ADGRA3: variants seen among roughly 807,000 people sequenced by gnomAD.
ADGRA3 encodes G-protein coupled receptor 125.
ADGRA3 carries 56 observed loss-of-function variants against 119.8 expected under a neutral mutation model. The observed-to-expected ratio is 0.47, with a 90% CI of 0.38 to 0.58. ADGRA3 has a LOEUF of 0.58. Among genes scored for constraint, ADGRA3 ranks in the 20% least tolerant of loss-of-function variants. The pLI, the probability that ADGRA3 is intolerant of heterozygous loss-of-function variation, is 0.00. For synonymous variants in ADGRA3, 607 were observed against 623.8 expected (o/e 0.97, Z 0.40); for missense variants, 1,516 against 1,649.0 (o/e 0.92, Z 1.40).
At chr4:22,414,341 T>G in intron 12 of ADGRA3, 1 of 348,330 alleles carries the variant, frequency 2.9e-6, no homozygotes, top group East Asian at 4.8e-5. Context: ...GAAATTTCCT[T>G]GAGACTAGGA....
chr4:22,424,601 C>T (rs1715857408), intron 10 of ADGRA3, among the ~76,000 whole-genome samples: 1 of 152,152 alleles, frequency 6.6e-6, no homozygotes, highest in African/African-American at 2.4e-5. Flanking sequence ...GGTGAAAAGA[C>T]TGCCAGGTGT....
At chr4:22,419,245 G>A (rs1024534786) in intron 12 of ADGRA3, among the ~76,000 whole-genome samples, 11 of 12,526 alleles carry the variant, frequency 8.8e-4, no homozygotes, top group South Asian at 6.5e-3. Flanking sequence ...TATATTCAAG[G>A]GATTAAAAAA....
intron 17 of ADGRA3, among the ~76,000 whole-genome samples, chr4:22,390,652 C>T (rs1000552440): frequency 1.3e-5 from 2 of 151,646 alleles, no homozygotes; most frequent in Admixed American, 1.3e-4. Flanking sequence ...AATCTCGTGT[C>T]CCACCCTCCA....
chr4:22,459,266 G>A (rs1717357072), intron 3 of ADGRA3, among the ~76,000 whole-genome samples: 1 of 152,114 alleles, frequency 6.6e-6, no homozygotes, highest in Non-Finnish European at 1.5e-5. Flanking sequence ...GGAGGTAAAT[G>A]ATGAGAACAC....
At chr4:22,465,563 G>T (rs972968380) in intron 2 of ADGRA3, among the ~76,000 whole-genome samples, 16 of 152,138 alleles carry the variant, frequency 1.1e-4, no homozygotes, top group African/African-American at 3.9e-4. Context: ...TCTAACTCTG[G>T]GCTGTTTGGA....
intron 2 of ADGRA3, among the ~76,000 whole-genome samples, chr4:22,472,558 A>AACAC (rs370046372): frequency 6.6e-6 from 1 of 151,728 alleles, no homozygotes; most frequent in East Asian, 1.9e-4. Flanking sequence ...TATACACACA[A>AACAC]ACACACACAC....
chr4:22,461,102 G>C (rs935126150), intron 3 of ADGRA3, among the ~76,000 whole-genome samples: 11 of 152,130 alleles, frequency 7.2e-5, no homozygotes, highest in Admixed American at 3.9e-4. Flanking sequence ...TTACTTAAAA[G>C]GTACCTCTGT....
intron 14 of ADGRA3, among the ~76,000 whole-genome samples, chr4:22,412,491 G>A (rs1715247011): frequency 2.0e-5 from 3 of 152,028 alleles, no homozygotes; most frequent in African/African-American, 2.4e-5. Context: ...GCTCCTTGGA[G>A]GATTTCAGAT....
intron 14 of ADGRA3, among the ~76,000 whole-genome samples, chr4:22,409,145 A>G (rs1715080982): frequency 6.6e-6 from 1 of 152,184 alleles, no homozygotes; most frequent in Non-Finnish European, 1.5e-5. Flanking sequence ...GCACTCTACT[A>G]CAAATCTTGT....
intron 12 of ADGRA3, 115 bp downstream of exon 12, chr4:22,420,771 A>T: frequency 1.0e-6 from 1 of 965,750 alleles, no homozygotes; most frequent in Non-Finnish European, 1.6e-6. Flanking sequence ...AAGCAATAAT[A>T]CCTATCTTCC....
At chr4:22,515,246 C>A in intron 1 of ADGRA3, 1 of 264,378 alleles carries the variant, frequency 3.8e-6, no homozygotes, top group South Asian at 1.1e-4. Flanking sequence ...TGGCACCGCG[C>A]AGCCCAAAAG....
chr4:22,451,043 T>C (rs1050618534), intron 4 of ADGRA3, among the ~76,000 whole-genome samples: 16 of 150,492 alleles, frequency 1.1e-4, no homozygotes, highest in African/African-American at 3.6e-4. Context: ...TAATTTTTCC[T>C]TCATATGATT....
At chr4:22,464,703 G>T (rs538873864) in intron 2 of ADGRA3, among the ~76,000 whole-genome samples, 2 of 152,304 alleles carry the variant, frequency 1.3e-5, no homozygotes, top group South Asian at 4.1e-4. Flanking sequence ...AAGGTCAGAG[G>T]TAAAGGGCAT....
At chr4:22,461,524 TCCTGA>T (rs1717454245) in intron 3 of ADGRA3, among the ~76,000 whole-genome samples, 1 of 152,160 alleles carries the variant, frequency 6.6e-6, no homozygotes, top group Non-Finnish European at 1.5e-5. Flanking sequence ...GGTCTTGAAT[TCCTGA>T]CCTCAGGTGA....
In ADGRA3 at chr4:22,424,331, T is replaced by A. The variant is rs752027303; in HGVS notation, c.1465A>T (p.Ile489Phe). The change falls in exon 11 of 19, where the codon ATT (isoleucine) becomes TTT (phenylalanine). Residue 489 changes from isoleucine to phenylalanine, a missense_variant. Ile to Phe is a conservative substitution (Grantham distance 21). Around this residue, in one of 2 missense-constraint regions of ADGRA3, gnomAD observed 1,088 missense variants for 1,107.1 expected, o/e 0.98. Coordinates refer to ENST00000334304, the MANE Select transcript of ADGRA3 (RefSeq NM_145290.4). ...SKELGDVMVD[I>F]ASNIMLADER... ...TCAGCCAACATGATGTTACTTGCAA[T>A]GTCAACCATCACGTCACCTAGCTAG... 3.1e-6 allele frequency: 5 copies of A among 1,613,486 alleles called. No individual in the cohort carries two copies. Among genetic ancestry groups the A allele is most frequent in the African/African-American group, 1.3e-5 (1 of 74,918 alleles).
chr4:22,500,221 G>A (rs1719005666), intron 1 of ADGRA3, among the ~76,000 whole-genome samples: 1 of 152,158 alleles, frequency 6.6e-6, no homozygotes, highest in Non-Finnish European at 1.5e-5. Context: ...CACTACCAAA[G>A]AAAGCACTTA....
chr4:22,410,945 A>G (rs372175023), intron 14 of ADGRA3, among the ~76,000 whole-genome samples: 21 of 152,326 alleles, frequency 1.4e-4, no homozygotes, highest in African/African-American at 5.0e-4. Flanking sequence ...CATTTTTTTA[A>G]GAGATTAAAA....
At chr4:22,499,795 A>G (rs1718985279) in intron 1 of ADGRA3, among the ~76,000 whole-genome samples, 1 of 152,224 alleles carries the variant, frequency 6.6e-6, no homozygotes, top group Non-Finnish European at 1.5e-5. Flanking sequence ...ACTTAATGAG[A>G]GTAAAATGGG....
chr4:22,465,026 T>C (rs1013940063), intron 2 of ADGRA3, among the ~76,000 whole-genome samples: 5 of 152,170 alleles, frequency 3.3e-5, no homozygotes, highest in Non-Finnish European at 7.4e-5. Context: ...CTAAGGAAAC[T>C]CTGCCCACTC....
Sources: gnomAD v4.1 joint callset for allele counts (sites outside exome capture counted in the v4.1 genomes callset) on GRCh38, gnomAD v4.1.1 for gene constraint, gnomAD v4.1.1 regional missense constraint, MANE v1.5 for transcripts, NCBI Gene and HGNC (gene_info 2026-07-23, HGNC 2026-07-21) for gene names.